INPP5K: variants seen among roughly 807,000 people sequenced by gnomAD.
The protein encoded by INPP5K is inositol polyphosphate-5-phosphatase K.
INPP5K carries 35 observed loss-of-function variants against 53.5 expected under a neutral mutation model. The observed-to-expected ratio is 0.65, with a 90% CI of 0.50 to 0.87. The LOEUF is 0.87. INPP5K is among the 40% of genes least tolerant of loss of function. The pLI, the probability that INPP5K is intolerant of heterozygous loss-of-function variation, is 0.00. For synonymous variants in INPP5K, 253 were observed against 232.8 expected (o/e 1.09, Z -0.79); for missense variants, 550 against 586.2 (o/e 0.94, Z 0.64).
chr17:1,497,837 T>TG (rs902007983), intron 8 of INPP5K, 99 bp downstream of exon 8: 1 of 1,120,106 alleles, frequency 8.9e-7, no homozygotes, highest in African/African-American at 1.5e-5. Flanking sequence ...AGGTCTCCCC[T>TG]GGGGGACTGG....
At chr17:1,514,771 C>G (rs1423902899) in intron 1 of INPP5K, among the ~76,000 whole-genome samples, 1 of 152,116 alleles carries the variant, frequency 6.6e-6, no homozygotes, top group Non-Finnish European at 1.5e-5. Context: ...CAGATTTCAC[C>G]TTGTGATAGG....
At chr17:1,502,867 T>C (rs1046130425) in intron 7 of INPP5K, among the ~76,000 whole-genome samples, 15 of 151,660 alleles carry the variant, frequency 9.9e-5, no homozygotes, top group Non-Finnish European at 1.8e-4. Flanking sequence ...GAGCTGGGAC[T>C]TCAGGGGTAC....
intron 7 of INPP5K, among the ~76,000 whole-genome samples, chr17:1,504,826 T>G (rs981414771): frequency 6.6e-6 from 1 of 152,188 alleles, no homozygotes; most frequent in Admixed American, 6.5e-5. Context: ...CACCGTGCCA[T>G]CCTTTTTCCT....
chr17:1,507,375 A>G (rs1162072727), intron 6 of INPP5K: 2 of 391,444 alleles, frequency 5.1e-6, no homozygotes, highest in Non-Finnish European at 9.1e-6. Context: ...AGGGGAGATC[A>G]CTAGCAGACA....
At chr17:1,499,179 G>A (rs765875595) in intron 7 of INPP5K, among the ~76,000 whole-genome samples, 6 of 152,160 alleles carry the variant, frequency 3.9e-5, no homozygotes, top group Non-Finnish European at 4.4e-5. Context: ...GGTGCAAAAC[G>A]AGCTCGCCAT....
rs775148888 is a variant in INPP5K, at chr17:1,495,834, G to T, written c.1336C>A (p.Pro446Thr). ...LREDPLGEAQ[P>T]QI is the part of the protein sequence containing the mutation. Reference sequence around the variant, plus strand: ...ACTCCCATCCTGGCTCAGATCTGTGGCTGTGCTTCACCCAGTGGGTCCTCC... The same window carrying T: ...ACTCCCATCCTGGCTCAGATCTGTGTCTGTGCTTCACCCAGTGGGTCCTCC... The change falls in exon 12 of 12, where the codon CCA becomes ACA. Residue 446 changes from proline to threonine, a missense_variant. By Grantham distance (38) the Pro-to-Thr change is conservative (BLOSUM62 -1). Coordinates refer to ENST00000421807, the MANE Select transcript of INPP5K (RefSeq NM_016532.4). 1 of 1,612,932 alleles carries T rather than the reference G, an allele frequency of 6.2e-7. No homozygotes were observed. Among genetic ancestry groups the T allele is most frequent in the Non-Finnish European group, 8.5e-7 (1 of 1,179,056 alleles).
chr17:1,502,312 G>GCA (rs1444629249), intron 7 of INPP5K, among the ~76,000 whole-genome samples: 1 of 152,156 alleles, frequency 6.6e-6, no homozygotes, highest in African/African-American at 2.4e-5. Flanking sequence ...TCGCGCCACT[G>GCA]CACTCCAGCC....
chr17:1,496,868 T>C, intron 8 of INPP5K, 65 bp from the exon 9 acceptor site: 6 of 1,545,594 alleles, frequency 3.9e-6, no homozygotes, highest in Non-Finnish European at 3.5e-6. Flanking sequence ...AGGCCAAGTG[T>C]TCCTCACTGT....
chr17:1,499,778 G>C (rs1017920982), intron 7 of INPP5K, among the ~76,000 whole-genome samples: 2 of 152,184 alleles, frequency 1.3e-5, no homozygotes, highest in African/African-American at 4.8e-5. Flanking sequence ...GACAGCTGCG[G>C]TTTCTGGGTT....
intron 2 of INPP5K, 33 bp from the exon 3 acceptor site, chr17:1,513,594 G>A (rs370660856): frequency 1.6e-5 from 25 of 1,561,068 alleles, no homozygotes; most frequent in Admixed American, 3.3e-5. Flanking sequence ...TTGGCCCCTG[G>A]CCTCCAGGCT....
At chr17:1,499,604 A>G (rs1317708951) in intron 7 of INPP5K, among the ~76,000 whole-genome samples, 3 of 152,214 alleles carry the variant, frequency 2.0e-5, no homozygotes, top group African/African-American at 7.2e-5. Context: ...TTCCTCCTCT[A>G]GGTAACTGAA....
intron 7 of INPP5K, among the ~76,000 whole-genome samples, chr17:1,500,670 A>G (rs111871802): frequency 0.085 from 12,870 of 151,924 alleles, 714 homozygotes; most frequent in African/African-American, 0.14. Flanking sequence ...GGCCACTGAA[A>G]CATTTTATAC....
chr17:1,509,219 C>G lies in INPP5K; in HGVS notation c.513G>C (p.Gln171His), dbSNP rs2075246784. The G allele has an allele frequency of 6.2e-7, 1 of 1,613,934 alleles. No individual in the cohort carries two copies. The highest frequency in any genetic ancestry group is 8.5e-7 in the Non-Finnish European group (1 of 1,180,016). The change falls in exon 5 of 12, where the codon CAG becomes CAC. Residue 171 changes from glutamine (Q) to histidine (H), a missense_variant. Gln to His is a conservative substitution (Grantham distance 24). Coordinates refer to ENST00000421807, the MANE Select transcript of INPP5K (RefSeq NM_016532.4). ...LEHFDRILEM[Q>H]NCEGRDIPNI... ...TTGGGATGTCTCGCCCCTCACAATTCTGCATCTCCAGGATCCGGTCAAAGT... is the reference window on the plus strand; with the variant it reads ...TTGGGATGTCTCGCCCCTCACAATTGTGCATCTCCAGGATCCGGTCAAAGT...
chr17:1,509,306 A>G lies in INPP5K; in HGVS notation c.426T>C (p.Tyr142=), dbSNP rs1033237294. ...GCAGGTGGCAGTTGATGATGCTGAC[A>G]TAGTAGCCATAAAGCTTCAGGCAGA... ...VNICLKLYGY[Y]VSIINCHLPP... Residue 142 remains tyrosine (Y), a synonymous_variant, in exon 5 of 12, where the codon TAT becomes TAC. Coordinates refer to ENST00000421807, the MANE Select transcript of INPP5K (RefSeq NM_016532.4). The G allele has an allele frequency of 1.5e-5, 24 of 1,613,960 alleles. No individual in the cohort carries two copies. The East Asian group carries it at 1.6e-4, about 10-fold the overall frequency.
intron 4 of INPP5K, 111 bp downstream of exon 4, chr17:1,509,572 C>G: frequency 1.1e-6 from 1 of 902,014 alleles, no homozygotes; most frequent in Non-Finnish European, 1.8e-6. Flanking sequence ...AACAAACATG[C>G]ATTGGGCTGG....
At chr17:1,515,183 A>C (rs2075404399) in intron 1 of INPP5K, among the ~76,000 whole-genome samples, 1 of 152,208 alleles carries the variant, frequency 6.6e-6, no homozygotes, top group African/African-American at 2.4e-5. Flanking sequence ...TGCTGGGATT[A>C]CAGGCCTGAG....
chr17:1,515,025 A>G (rs1218741172), intron 1 of INPP5K, among the ~76,000 whole-genome samples: 1 of 150,642 alleles, frequency 6.6e-6, no homozygotes, highest in African/African-American at 2.5e-5. Flanking sequence ...TCCTGCCTCA[A>G]CCTCCCAAGT....
intron 3 of INPP5K, among the ~76,000 whole-genome samples, chr17:1,512,215 C>A (rs975354018): frequency 6.6e-6 from 1 of 152,192 alleles, no homozygotes; most frequent in East Asian, 1.9e-4. Context: ...GAGCTAATTT[C>A]CTTGGCTCAA....
chr17:1,496,897 G>A (rs2074864389), intron 8 of INPP5K, 94 bp from the exon 9 acceptor site: 2 of 1,338,574 alleles, frequency 1.5e-6, no homozygotes, highest in African/African-American at 2.9e-5. Flanking sequence ...AACATAGTGG[G>A]GAAGGTGGGG....
Sources: gnomAD v4.1 joint callset for allele counts (sites outside exome capture counted in the v4.1 genomes callset) on GRCh38, gnomAD v4.1.1 for gene constraint, MANE v1.5 for transcripts, NCBI Gene and HGNC (gene_info 2026-07-23, HGNC 2026-07-21) for gene names.